Variants in NACC2 observed in about 807,000 individuals in gnomAD.
The protein encoded by NACC2 is NACC family member 2, also known as nucleus accumbens-associated protein 2.
A neutral mutation model predicts 25.1 loss-of-function variants in NACC2; 8 were observed. The observed-to-expected ratio is 0.32, with a 90% confidence interval of 0.19 to 0.57. The LOEUF is 0.57. Among genes scored for constraint, NACC2 ranks in the 20% least tolerant of loss-of-function variants. NACC2 has a pLI of 0.89. For missense variants in NACC2, 644 were observed against 650.2 expected (o/e 0.99, Z 0.10); for synonymous variants, 435 against 294.7 (o/e 1.48, Z -4.88).
At chr9:136,071,974 G>A (rs1251912418) in intron 1 of NACC2, among the ~76,000 whole-genome samples, 34 of 151,860 alleles carry the variant, frequency 2.2e-4, no homozygotes, top group South Asian at 6.5e-4. Flanking sequence ...ACGGTGGCTC[G>A]AGTCCGTAAT....
intron 1 of NACC2, among the ~76,000 whole-genome samples, chr9:136,067,790 G>T (rs12685144): frequency 6.6e-6 from 1 of 152,068 alleles, no homozygotes; most frequent in East Asian, 1.9e-4. Context: ...AGCCGAGATC[G>T]CGGCACTGCC....
At chr9:136,054,044 T>A (rs1840887300) in intron 1 of NACC2, among the ~76,000 whole-genome samples, 3 of 152,170 alleles carry the variant, frequency 2.0e-5, no homozygotes, top group Admixed American at 6.5e-5. Flanking sequence ...GAACTGGGGT[T>A]ATGATTTACC....
chr9:136,015,682 T>C (rs1249362791), intron 3 of NACC2, among the ~76,000 whole-genome samples: 2 of 152,072 alleles, frequency 1.3e-5, no homozygotes, highest in African/African-American at 2.4e-5. Flanking sequence ...CGGGAAGAAA[T>C]CCCCAGAAAA....
intron 2 of NACC2, among the ~76,000 whole-genome samples, chr9:136,037,136 AAAGAT>A (rs1291241607): frequency 6.6e-6 from 1 of 152,236 alleles, no homozygotes; most frequent in Non-Finnish European, 1.5e-5. Context: ...AGCTTCCTTG[AAAGAT>A]GAAGGTGACA....
chr9:136,055,647 A>C lies in NACC2; in HGVS notation c.-59-5067T>G, dbSNP rs967816061. Among the ~76,000 whole-genome samples, 5 of 152,104 alleles carry C rather than the reference A, an allele frequency of 3.3e-5. No homozygotes were observed. Among genetic ancestry groups the C allele is most frequent in the Non-Finnish European group, 1.5e-5 (1 of 68,014 alleles). On this transcript the variant is annotated intron_variant, in intron 1 of 5. Transcript: ENST00000277554. The surrounding 1 kb of genome is among the most constrained non-coding windows in gnomAD (Gnocchi z 4.9). Reference sequence around the variant, plus strand: ...CAGCAAGGGGAAGGGAGGCGAGAAAAATTAAATTAAATTAAATTATCTTGC... The same window carrying C: ...CAGCAAGGGGAAGGGAGGCGAGAAACATTAAATTAAATTAAATTATCTTGC...
chr9:136,069,979 T>A (rs1407925328), intron 1 of NACC2, among the ~76,000 whole-genome samples: 1 of 151,742 alleles, frequency 6.6e-6, no homozygotes, highest in East Asian at 1.9e-4. Context: ...AACTCTCCAC[T>A]CAACAACAGC....
intron 1 of NACC2, among the ~76,000 whole-genome samples, chr9:136,083,073 G>A (rs745447465): frequency 2.0e-5 from 3 of 152,188 alleles, no homozygotes; most frequent in East Asian, 1.9e-4. Context: ...CACTTCACAC[G>A]GCAGAACCTT....
rs1176260467 is a variant in NACC2 at position 136,084,175 on chromosome 9, T to C, written c.-60+11014A>G. On this transcript the variant is annotated intron_variant, in intron 1 of 5. Transcript: ENST00000277554. This position sits in a 1 kb window ranked among gnomAD's most constrained non-coding sequence, Gnocchi z 5.1. ...ACCCGTCTTTCCAGGAGCAGTGGGT[T>C]CCGATGAGACCCTCAACACCCACTC... is the stretch of plus-strand genomic sequence containing the variant. Among the ~76,000 whole-genome samples the C allele has an allele frequency of 6.6e-6, 1 of 151,916 alleles. No individual in the cohort carries two copies. The highest frequency in any genetic ancestry group is 6.6e-5 in the Admixed American group (1 of 15,248).
chr9:136,067,705 G>C (rs1216040307), intron 1 of NACC2, among the ~76,000 whole-genome samples: 2 of 152,126 alleles, frequency 1.3e-5, no homozygotes, highest in Non-Finnish European at 2.9e-5. Context: ...CGTGGTGGCG[G>C]GCACCTGTAG....
intron 1 of NACC2, among the ~76,000 whole-genome samples, chr9:136,063,848 C>T (rs938831062): frequency 2.0e-5 from 3 of 149,092 alleles, no homozygotes; most frequent in South Asian, 4.2e-4. Flanking sequence ...ATACCACCTG[C>T]ACCCCAGCCT....
At chr9:136,015,267 C>T (rs546212452) in intron 3 of NACC2, among the ~76,000 whole-genome samples, 1 of 152,372 alleles carries the variant, frequency 6.6e-6, no homozygotes, top group Non-Finnish European at 1.5e-5. Context: ...TGGGCACCTG[C>T]GCCCCAGAGC....
chr9:136,077,105 G>A (rs1308845552), intron 1 of NACC2, among the ~76,000 whole-genome samples: 3 of 152,244 alleles, frequency 2.0e-5, no homozygotes, highest in Non-Finnish European at 2.9e-5. Context: ...GCTTGAACCC[G>A]GAGGTGGAGG....
At chr9:136,091,262 T>A (rs1402923470) in intron 1 of NACC2, among the ~76,000 whole-genome samples, 1 of 152,230 alleles carries the variant, frequency 6.6e-6, no homozygotes, top group African/African-American at 2.4e-5. Context: ...CTGCCCACAT[T>A]CAGCCTCCAG....
At chr9:136,023,815 C>T (rs1840333215) in intron 2 of NACC2, among the ~76,000 whole-genome samples, 1 of 152,248 alleles carries the variant, frequency 6.6e-6, no homozygotes, top group Non-Finnish European at 1.5e-5. Flanking sequence ...ACTGTGAAGA[C>T]ACTAGCAGGG....
In NACC2 at chr9:136,013,165, G is replaced by GCCCCCCCCCCCCC. The variant is rs773826196; in HGVS notation, c.1255+33_1255+34insGGGGGGGGGGGGG. The GCCCCCCCCCCCCC allele has an allele frequency of 1.4e-6, 1 of 706,942 alleles. No individual in the cohort carries two copies. Among genetic ancestry groups the GCCCCCCCCCCCCC allele is most frequent in the Non-Finnish European group, 2.6e-6 (1 of 391,576 alleles). 43.8% of individuals were successfully genotyped at this position (706,942 alleles called of 1,614,324 possible). ...AGGCTGGGATCTGAACCCAGCCCCG[G>GCCCCCCCCCCCCC]CCCCACCCACCCGAGAGACCCCCAG... On this transcript the variant is annotated intron_variant, in intron 5 of 5. Transcript: ENST00000277554. This position sits in a 1 kb window ranked among gnomAD's most constrained non-coding sequence, Gnocchi z 6.6.
chr9:136,057,729 C>G (rs1042072715), intron 1 of NACC2, among the ~76,000 whole-genome samples: 1 of 152,184 alleles, frequency 6.6e-6, no homozygotes, highest in African/African-American at 2.4e-5. Flanking sequence ...GCTGCCCAGG[C>G]GGAGCGGCCG....
rs901951164 is a variant in NACC2 at position 136,039,641 on chromosome 9, G to A, written c.886+9995C>T. On this transcript the variant is annotated intron_variant, in intron 2 of 5. Transcript: ENST00000277554. The stretch of plus-strand genomic sequence containing the variant: ...CTGTAATACAAAATGACCAAGTGAG[G>A]TTTCTCCCAGGAATGCAAGGGTGGT... Among the ~76,000 whole-genome samples, 4 of 151,908 alleles carry A rather than the reference G, an allele frequency of 2.6e-5. No individual in the cohort carries two copies. In the South Asian group the frequency reaches 8.3e-4, roughly 32 times the overall value.
At position 136,011,681 on chromosome 9, in the gene NACC2, G is replaced by A. The variant is rs763585766; in HGVS notation, c.1599C>T (p.Asp533=). ...CCTCCTGGATGACCGAGCCAGCCCC[G>A]TCCACCTCCTCGCCGGCGTCGAAGG... ...NPAFDAGEEV[D]GAGSVIQEVA... is the part of the protein sequence containing the mutation. Residue 533 remains aspartate, a synonymous_variant, in exon 6 of 6, where the codon GAC becomes GAT. Coordinates refer to ENST00000277554, the MANE Select transcript of NACC2 (RefSeq NM_144653.5). 22 of 1,455,774 alleles carry A rather than the reference G, an allele frequency of 1.5e-5. No individual in the cohort carries two copies. The highest frequency in any genetic ancestry group is 2.6e-5 in the East Asian group (1 of 38,130). The allele number at this position is 1,455,774 out of a possible 1,614,324, so 90.2% of individuals were successfully genotyped here. A position where few individuals can be genotyped will look rare whatever the true frequency, so the allele number is the denominator to read the frequency against.
chr9:136,038,960 G>A (rs1232452009), intron 2 of NACC2, among the ~76,000 whole-genome samples: 2 of 152,276 alleles, frequency 1.3e-5, no homozygotes, highest in Admixed American at 1.3e-4. Flanking sequence ...ATAGCAAGAT[G>A]GTAGACGTAC....
Sources: allele counts gnomAD v4.1 joint callset (sites outside exome capture counted in the v4.1 genomes callset), GRCh38; gene constraint gnomAD v4.1.1; non-coding constraint Gnocchi (gnomAD v3.1); transcripts MANE v1.5; gene names NCBI Gene and HGNC (gene_info 2026-07-23, HGNC 2026-07-21).